PRKN: variants seen among roughly 807,000 people sequenced by gnomAD.
The protein encoded by PRKN is parkin RBR E3 ubiquitin protein ligase.
PRKN carries 56 observed loss-of-function variants against 59.5 expected under a neutral mutation model. The ratio of observed to expected loss-of-function variants is 0.94; its 90% confidence interval spans 0.76 to 1.18. The LOEUF (loss-of-function observed/expected upper bound fraction) is 1.18. Among genes scored for constraint, PRKN ranks in the 50% most tolerant of loss-of-function variants. The probability of loss-of-function intolerance (pLI) is 0.00; values close to 1 mark genes in which losing one functional copy is unlikely to be tolerated. For synonymous variants in PRKN, 250 were observed against 222.1 expected (o/e 1.13, Z -1.12); for missense variants, 657 against 596.4 (o/e 1.10, Z -1.06).
At chr6:162,417,454 A>G (rs768750259) in intron 2 of PRKN, among the ~76,000 whole-genome samples, 7 of 152,198 alleles carry the variant, frequency 4.6e-5, no homozygotes, top group Admixed American at 2.0e-4. Context: ...TGGGGGCAGA[A>G]GACTGAGGAA....
At position 162,451,813 on chromosome 6, in the gene PRKN, A is replaced by C. The variant is rs75523725; in HGVS notation, c.8-8340T>G. On this transcript the variant is annotated intron_variant, in intron 1 of 11. Coordinates refer to ENST00000366898, the MANE Select transcript of PRKN (RefSeq NM_004562.3). ...AAAAAATGAAAGAATGGGGCAGAAA[A>C]ATTTTTCAAAAAATAATGCCCTCAA... Among the ~76,000 whole-genome samples, 298 of 152,216 alleles carry C rather than the reference A, an allele frequency of 2.0e-3. 5 individuals are homozygous for C. In the South Asian group the frequency reaches 0.024, roughly 12 times the overall value.
intron 2 of PRKN, among the ~76,000 whole-genome samples, chr6:162,282,964 A>T (rs907096715): frequency 1.3e-5 from 2 of 152,052 alleles, no homozygotes; most frequent in Non-Finnish European, 2.9e-5. Flanking sequence ...TTAATTCCTG[A>T]TAAGCTTTCC....
chr6:162,021,465 T>A (rs200593258), intron 5 of PRKN, among the ~76,000 whole-genome samples: 1,410 of 32,636 alleles, frequency 0.043, 14 homozygotes, highest in African/African-American at 0.094. Context: ...ATATATATTT[T>A]TTTTTTTTTT....
intron 3 of PRKN, among the ~76,000 whole-genome samples, chr6:162,238,152 C>G (rs1372400640): frequency 6.6e-6 from 1 of 152,304 alleles, no homozygotes; most frequent in East Asian, 1.9e-4. Flanking sequence ...TCATGTGCCC[C>G]ATCTGCATCA....
intron 3 of PRKN, among the ~76,000 whole-genome samples, chr6:162,206,244 A>G (rs763702759): frequency 4.6e-5 from 7 of 152,150 alleles, no homozygotes; most frequent in Admixed American, 3.3e-4. Context: ...TGCTCAAGGT[A>G]CAGTTAGACT....
chr6:162,253,245 TAACGA>T (rs1375690645), intron 3 of PRKN, among the ~76,000 whole-genome samples: 1 of 152,066 alleles, frequency 6.6e-6, no homozygotes, highest in African/African-American at 2.4e-5. Context: ...ATGGCTCTGT[TAACGA>T]AACAGGCATG....
chr6:162,160,474 G>C (rs1583127344), intron 4 of PRKN, among the ~76,000 whole-genome samples: 1 of 152,260 alleles, frequency 6.6e-6, no homozygotes, highest in Non-Finnish European at 1.5e-5. Context: ...TGTTCATTAT[G>C]ATAGCAGTGA....
chr6:162,300,904 A>G (rs148472377), intron 2 of PRKN, among the ~76,000 whole-genome samples: 351 of 152,270 alleles, frequency 2.3e-3, no homozygotes, highest in South Asian at 0.011. Flanking sequence ...AGATGACAGT[A>G]CCTAAACACC....
At chr6:161,878,403 T>A (rs1794813418) in intron 6 of PRKN, among the ~76,000 whole-genome samples, 1 of 152,080 alleles carries the variant, frequency 6.6e-6, no homozygotes, top group Non-Finnish European at 1.5e-5. Flanking sequence ...CCCCTCCCAA[T>A]CACCATCCCC....
intron 9 of PRKN, among the ~76,000 whole-genome samples, chr6:161,418,211 C>T (rs555668054): frequency 5.3e-5 from 8 of 152,272 alleles, no homozygotes; most frequent in Middle Eastern, 6.8e-3. Context: ...AGACAGATAA[C>T]GTGTTTGAAG....
chr6:162,710,794 G>A (rs1023183481), intron 1 of PRKN, among the ~76,000 whole-genome samples: 2 of 152,068 alleles, frequency 1.3e-5, no homozygotes, highest in African/African-American at 4.8e-5. Context: ...CTGTTATCCT[G>A]CAACTAAGCT....
intron 7 of PRKN, among the ~76,000 whole-genome samples, chr6:161,605,659 G>T (rs533929829): frequency 6.6e-6 from 1 of 151,990 alleles, no homozygotes; most frequent in Non-Finnish European, 1.5e-5. Context: ...TTACAGACAC[G>T]TGCCACCACG....
At chr6:161,956,127 T>C (rs1202828987) in intron 6 of PRKN, among the ~76,000 whole-genome samples, 1 of 152,224 alleles carries the variant, frequency 6.6e-6, no homozygotes, top group Non-Finnish European at 1.5e-5. Flanking sequence ...AAGTTTTATC[T>C]CTTGTAATTT....
At chr6:162,707,034 T>TA (rs1778362501) in intron 1 of PRKN, among the ~76,000 whole-genome samples, 1 of 152,194 alleles carries the variant, frequency 6.6e-6, no homozygotes, top group African/African-American at 2.4e-5. Context: ...AGATAGCTTT[T>TA]AAGAAAAGTA....
rs977639474 is a variant in PRKN, at chr6:162,477,925, C to T, written c.8-34452G>A. Reference sequence around the variant, plus strand: ...CTAGGATCCTTTACTGTTTGTCAGCCTCATCCTGTTTCCCGGCTTCTGCAA... The same window carrying T: ...CTAGGATCCTTTACTGTTTGTCAGCTTCATCCTGTTTCCCGGCTTCTGCAA... On this transcript the variant is annotated intron_variant, in intron 1 of 11. Coordinates refer to ENST00000366898, the MANE Select transcript of PRKN (RefSeq NM_004562.3). Among the ~76,000 whole-genome samples, 10 of 152,132 alleles carry T rather than the reference C, an allele frequency of 6.6e-5. No individual in the cohort carries two copies. The East Asian group carries it at 1.9e-3, about 29-fold the overall frequency.
chr6:162,367,337 T>C (rs1160126417), intron 2 of PRKN, among the ~76,000 whole-genome samples: 1 of 152,196 alleles, frequency 6.6e-6, no homozygotes, highest in African/African-American at 2.4e-5. Flanking sequence ...TAGAGCAGTG[T>C]GAGGACAGGC....
chr6:162,619,081 T>C (rs902481194), intron 1 of PRKN, among the ~76,000 whole-genome samples: 1 of 152,118 alleles, frequency 6.6e-6, no homozygotes, highest in Non-Finnish European at 1.5e-5. Context: ...GAAACTCTTT[T>C]AGACTCTTGA....
chr6:162,241,416 T>C lies in PRKN; in HGVS notation c.412+21109A>G, dbSNP rs112929745. Among the ~76,000 whole-genome samples, 710 of 152,214 alleles carry C rather than the reference T, an allele frequency of 4.7e-3. 3 individuals carry two copies. Among genetic ancestry groups the C allele is most frequent in the Non-Finnish European group, 8.4e-3 (569 of 67,966 alleles). On this transcript the variant is annotated intron_variant, in intron 3 of 11. Transcript: ENST00000366898. Reference sequence around the variant, plus strand: ...CATAATAAATTGCTAGATAAAGCAATTGAGTAAAGTGTAATGAGTTCAAGT... The same window carrying C: ...CATAATAAATTGCTAGATAAAGCAACTGAGTAAAGTGTAATGAGTTCAAGT...
chr6:161,667,365 T>C (rs1442748556), intron 7 of PRKN, among the ~76,000 whole-genome samples: 2 of 152,150 alleles, frequency 1.3e-5, no homozygotes, highest in Non-Finnish European at 2.9e-5. Flanking sequence ...GGCCCCTTCC[T>C]AGAGCATCCC....
Sources: gnomAD v4.1 joint callset for allele counts (sites outside exome capture counted in the v4.1 genomes callset) on GRCh38, gnomAD v4.1.1 for gene constraint, MANE v1.5 for transcripts, NCBI Gene and HGNC (gene_info 2026-07-23, HGNC 2026-07-21) for gene names.